The following DDX3X variants were observed in gnomAD, a reference collection of about 807,000 sequenced individuals.
The protein encoded by DDX3X is ATP-dependent RNA helicase DDX3X.
DDX3X carries 4 observed loss-of-function variants against 52.7 expected under a neutral mutation model. The ratio of observed to expected loss-of-function variants is 0.08; its 90% CI spans 0.04 to 0.17. The LOEUF (loss-of-function observed/expected upper bound fraction) is 0.17. Ranked by LOEUF, DDX3X falls within the 10% of genes least tolerant of loss-of-function variation. DDX3X has a pLI of 1.00. For missense variants in DDX3X, 222 were observed against 548.6 expected, an observed-to-expected ratio of 0.40 and a Z score of 5.95; for synonymous variants, 192 against 178.1, an observed-to-expected ratio of 1.08 and a Z score of -0.62.
intron 10 of DDX3X, 29 bp from the exon 11 acceptor site, chrX:41,345,151 C>A (rs766333513): frequency 8.3e-7 from 1 of 1,198,354 alleles, no homozygotes; most frequent in Non-Finnish European, 1.1e-6. Flanking sequence ...ATTCTAAACT[C>A]AGGCTTGTTT....
In DDX3X at chrX:41,344,507, G is replaced by A. The variant is rs748025094; in HGVS notation, c.1025+108G>A. The A allele has an allele frequency of 2.6e-5, 24 of 932,514 alleles. No homozygotes were observed. Among genetic ancestry groups the A allele is most frequent in the East Asian group, 9.4e-5 (3 of 31,824 alleles). 76.8% of individuals were successfully genotyped at this position (932,514 alleles called of 1,213,427 possible). A position where few individuals can be genotyped will look rare whatever the true frequency, so the allele number is the denominator to read the frequency against. On this transcript the variant is annotated intron_variant, in intron 10 of 16. Transcript: ENST00000644876. ...GGCTGGAGTGCCATGGCGCGATCTC[G>A]GCTCACCACAACCTCTGCCTCCCGG...
At chrX:41,361,595 A>G (rs1416062655) in intron 5 of DDX3X, among the ~76,000 whole-genome samples, 3 of 111,505 alleles carry the variant, frequency 2.7e-5, no homozygotes, top group Non-Finnish European at 5.6e-5. Context: ...CACTGAGTAC[A>G]TCCTCATGGA....
rs200292033 is a variant in DDX3X, at chrX:41,339,012, TTA to T, written c.104-10_104-9del. 1,872 of 733,423 alleles carry T rather than the reference TTA, an allele frequency of 2.6e-3. No individual in the cohort carries two copies. Among genetic ancestry groups the T allele is most frequent in the Admixed American group, 3.6e-3 (68 of 18,754 alleles). The allele number at this position is 733,423 out of a possible 1,213,427, so 60.4% of individuals were successfully genotyped here. On this transcript the variant is annotated intron_variant, in intron 2 of 16. Coordinates refer to ENST00000644876, the MANE Select transcript of DDX3X (RefSeq NM_001356.5). The stretch of plus-strand genomic sequence containing the variant: ...AAGGTTTTTTGGCATTTAATTAATT[TTA>T]TATATATATATATTTTTTTAGAAGG...
intron 5 of DDX3X, chrX:41,358,071 T>A: frequency 4.4e-6 from 1 of 226,455 alleles, no homozygotes. Flanking sequence ...CACTCTTTTT[T>A]TTTTTTTTTT....
chrX:41,347,723 T>C lies in DDX3X; in HGVS notation c.*4T>C. 6.1e-6 allele frequency: 7 copies of C among 1,153,157 alleles called. No homozygotes were observed. The highest frequency in any genetic ancestry group is 8.2e-6 in the Non-Finnish European group (7 of 850,882). ...GGTTGACTGGTGGGGTAACTGAGCC[T>C]GCTTTGCAGTAGGTCACCCTGCCAA... On this transcript the variant is annotated 3_prime_UTR_variant, in exon 17 of 17. Coordinates refer to ENST00000644876, the MANE Select transcript of DDX3X (RefSeq NM_001356.5).
intron 5 of DDX3X, among the ~76,000 whole-genome samples, chrX:41,363,123 C>A (rs932694625): frequency 8.9e-6 from 1 of 112,068 alleles, no homozygotes; most frequent in African/African-American, 3.2e-5. Flanking sequence ...AAGAAGTGAT[C>A]TATTCAAAGA....
At chrX:41,344,974 CTG>C (rs1343914429) in intron 10 of DDX3X, among the ~76,000 whole-genome samples, 1 of 111,916 alleles carries the variant, frequency 8.9e-6, no homozygotes, top group Non-Finnish European at 1.9e-5. Context: ...GCTAATTTGA[CTG>C]TGTAATCTTG....
chrX:41,340,673 C>A (rs752247612), intron 3 of DDX3X: 19 of 282,751 alleles, frequency 6.7e-5, no homozygotes, highest in Non-Finnish European at 1.2e-4. Context: ...GTAGATGAAC[C>A]ACTAAAATAA....
intron 3 of DDX3X, chrX:41,339,379 GT>G (rs1467699465): frequency 7.5e-6 from 1 of 133,917 alleles, no homozygotes; most frequent in Non-Finnish European, 1.5e-5. Context: ...CATGGTTTTA[GT>G]TTGGAAGAGG....
intron 3 of DDX3X, 57 bp from the exon 4 acceptor site, chrX:41,341,427 A>C: frequency 9.7e-7 from 1 of 1,026,773 alleles, no homozygotes; most frequent in South Asian, 2.1e-5. Flanking sequence ...ATAATACCTT[A>C]ACATGGTTCC....
intron 5 of DDX3X, among the ~76,000 whole-genome samples, chrX:41,360,006 AATAC>A (rs1478856259): frequency 1.8e-5 from 2 of 108,173 alleles, no homozygotes; most frequent in African/African-American, 6.7e-5. Flanking sequence ...ATAATAAATA[AATAC>A]ATAAATAAAT....
At chrX:41,359,596 C>A (rs868098399) in intron 5 of DDX3X, among the ~76,000 whole-genome samples, 533 of 51,823 alleles carry the variant, frequency 0.01, no homozygotes, top group Non-Finnish European at 0.012. Flanking sequence ...GATTCCATCT[C>A]AAAAAAAAAA....
chrX:41,351,252 A>G (rs1055995958), downstream of DDX3X: 11 of 111,547 alleles, frequency 9.9e-5, no homozygotes, highest in African/African-American at 3.3e-4. Flanking sequence ...ATTTGAGGTT[A>G]TTTCTAGTCT....
At chrX:41,358,400 T>C (rs2064017467) in intron 5 of DDX3X, among the ~76,000 whole-genome samples, 1 of 111,399 alleles carries the variant, frequency 9.0e-6, no homozygotes, top group African/African-American at 3.3e-5. Context: ...GTCAATTAAG[T>C]AAGTTAATAA....
At chrX:41,356,454 CTTT>C (rs760583439) in intron 5 of DDX3X, among the ~76,000 whole-genome samples, 51 of 65,645 alleles carry the variant, frequency 7.8e-4, no homozygotes, top group Admixed American at 4.0e-3. Flanking sequence ...GCCAGTATTT[CTTT>C]TTTTTTTTTT....
intron 5 of DDX3X, among the ~76,000 whole-genome samples, chrX:41,363,258 C>T (rs1247979368): frequency 9.1e-6 from 1 of 109,977 alleles, no homozygotes; most frequent in East Asian, 2.9e-4. Flanking sequence ...AACCTTGTCT[C>T]TACTAAAAAT....
At chrX:41,341,735 C>A in intron 4 of DDX3X, 119 bp downstream of exon 4, 3 of 680,051 alleles carry the variant, frequency 4.4e-6, no homozygotes, top group Non-Finnish European at 4.3e-6. Flanking sequence ...TTTTCTTAGC[C>A]GTAAGAGGCT....
At position 41,345,050 on chromosome X, in the gene DDX3X, A is replaced by G. The variant is rs772636337; in HGVS notation, c.1026-130A>G. 5.8e-4 allele frequency: 368 copies of G among 634,689 alleles called. 2 individuals are homozygous for G. Among genetic ancestry groups the G allele is most frequent in the Non-Finnish European group, 8.2e-4 (340 of 416,718 alleles). 52.3% of individuals were successfully genotyped at this position (634,689 alleles called of 1,213,427 possible). On this transcript the variant is annotated intron_variant, in intron 10 of 16. Coordinates refer to ENST00000644876, the MANE Select transcript of DDX3X (RefSeq NM_001356.5). ...GTAAAATTATGCAGTGTGAGGCACCATCTTAATGAATATATAATTGTAATA... is the reference window on the plus strand; with the variant it reads ...GTAAAATTATGCAGTGTGAGGCACCGTCTTAATGAATATATAATTGTAATA...
At chrX:41,343,590 A>T (rs1282431063) in intron 7 of DDX3X, 147 bp from the exon 8 acceptor site, 3 of 552,767 alleles carry the variant, frequency 5.4e-6, no homozygotes, top group Non-Finnish European at 5.7e-6. Flanking sequence ...CTCCTCTTAG[A>T]GGTGGAGCAG....
Sources: gnomAD v4.1 joint callset for allele counts (sites outside exome capture counted in the v4.1 genomes callset) on GRCh38, gnomAD v4.1.1 for gene constraint, MANE v1.5 for transcripts, NCBI Gene and HGNC (gene_info 2026-07-23, HGNC 2026-07-21) for gene names.